ANO10: variants seen among roughly 807,000 people sequenced by gnomAD.
ANO10 encodes anoctamin 10.
Under a neutral mutation model 74.7 loss-of-function variants are expected in ANO10, and 77 were observed. That is an observed-to-expected ratio of 1.03 (90% CI 0.86 to 1.25). The LOEUF (loss-of-function observed/expected upper bound fraction) is 1.25. ANO10 is among the 50% of genes most tolerant of loss of function. ANO10 has a pLI of 0.00. For missense variants in ANO10, 721 were observed against 778.1 expected (o/e 0.93, Z 0.87); for synonymous variants, 279 against 284.9 (o/e 0.98, Z 0.21).
At chr3:43,379,367 T>C (rs2091897086) in intron 12 of ANO10, among the ~76,000 whole-genome samples, 1 of 152,092 alleles carries the variant, frequency 6.6e-6, no homozygotes, top group Non-Finnish European at 1.5e-5. Flanking sequence ...AAGTGAGGAG[T>C]GAGCCCTGAA....
chr3:43,668,131 AG>A (rs1037746508), intron 1 of ANO10, among the ~76,000 whole-genome samples: 31 of 152,248 alleles, frequency 2.0e-4, no homozygotes, highest in Admixed American at 5.2e-4. Context: ...CCATTCTTGC[AG>A]GAGTAAGGTG....
chr3:43,571,918 TAA>T (rs2080751287), intron 7 of ANO10, among the ~76,000 whole-genome samples: 1 of 121,290 alleles, frequency 8.2e-6, no homozygotes, highest in Non-Finnish European at 1.7e-5. Context: ...AATGAAATGG[TAA>T]AGACTTGTTT....
chr3:43,506,923 C>T (rs1323466068), intron 11 of ANO10, among the ~76,000 whole-genome samples: 6 of 152,164 alleles, frequency 3.9e-5, no homozygotes, highest in Non-Finnish European at 7.3e-5. Context: ...TATCATCTAT[C>T]TTCCCCCCTA....
intron 11 of ANO10, among the ~76,000 whole-genome samples, chr3:43,478,637 T>C (rs533437721): frequency 1.3e-4 from 20 of 152,216 alleles, no homozygotes; most frequent in Non-Finnish European, 1.9e-4. Flanking sequence ...TGGGGAGAAG[T>C]CTTTGGCACA....
At chr3:43,563,470 A>T (rs1288748175) in intron 8 of ANO10, among the ~76,000 whole-genome samples, 1 of 151,506 alleles carries the variant, frequency 6.6e-6, no homozygotes. Flanking sequence ...AAAATAGAAC[A>T]ACCATAGAAT....
intron 11 of ANO10, among the ~76,000 whole-genome samples, chr3:43,471,298 T>C (rs1280268565): frequency 6.6e-6 from 1 of 152,206 alleles, no homozygotes; most frequent in Non-Finnish European, 1.5e-5. Flanking sequence ...AGATTTATTT[T>C]TTCCTTACTT....
At chr3:43,415,805 G>A (rs2092729544) in intron 12 of ANO10, among the ~76,000 whole-genome samples, 1 of 152,082 alleles carries the variant, frequency 6.6e-6, no homozygotes, top group African/African-American at 2.4e-5. Flanking sequence ...GCCTCCCAAA[G>A]TGCTGGGATT....
At chr3:43,425,463 C>A (rs1405563815) in intron 12 of ANO10, among the ~76,000 whole-genome samples, 1 of 151,634 alleles carries the variant, frequency 6.6e-6, no homozygotes, top group Non-Finnish European at 1.5e-5. Context: ...AAATATAAAC[C>A]AAAAATAAAA....
intron 11 of ANO10, among the ~76,000 whole-genome samples, chr3:43,453,836 A>G (rs992896415): frequency 6.6e-6 from 1 of 151,946 alleles, no homozygotes; most frequent in African/African-American, 2.4e-5. Flanking sequence ...GGTATTACAT[A>G]TTGTATCCTT....
intron 11 of ANO10, among the ~76,000 whole-genome samples, chr3:43,444,208 A>C (rs1179500047): frequency 6.6e-6 from 1 of 152,188 alleles, no homozygotes; most frequent in African/African-American, 2.4e-5. Context: ...CTAGGGTGAG[A>C]AAGCTGGCTT....
At chr3:43,605,222 C>T (rs1227212939) in intron 2 of ANO10, among the ~76,000 whole-genome samples, 4 of 152,128 alleles carry the variant, frequency 2.6e-5, no homozygotes, top group Non-Finnish European at 2.9e-5. Flanking sequence ...TAAGTATACA[C>T]GATTCATTTG....
At chr3:43,507,066 T>C (rs1229133292) in intron 11 of ANO10, among the ~76,000 whole-genome samples, 1 of 152,234 alleles carries the variant, frequency 6.6e-6, no homozygotes, top group Non-Finnish European at 1.5e-5. Flanking sequence ...TTCTAATTCC[T>C]ACTTATTGGA....
chr3:43,683,793 G>C (rs1480525297), intron 1 of ANO10, among the ~76,000 whole-genome samples: 1 of 152,010 alleles, frequency 6.6e-6, no homozygotes, highest in Non-Finnish European at 1.5e-5. Context: ...ACAACCATCT[G>C]ATCTTTGACA....
chr3:43,452,816 T>C (rs2074938869), intron 11 of ANO10, among the ~76,000 whole-genome samples: 1 of 152,240 alleles, frequency 6.6e-6, no homozygotes, highest in Admixed American at 6.5e-5. Context: ...AGGGTTTCAG[T>C]TGCTCTACAT....
At chr3:43,647,892 G>A (rs971536256) in intron 1 of ANO10, among the ~76,000 whole-genome samples, 2 of 152,146 alleles carry the variant, frequency 1.3e-5, no homozygotes, top group South Asian at 2.1e-4. Flanking sequence ...GATTAAACAA[G>A]TTTAAATACA....
chr3:43,466,369 C>CAAAAA (rs36126977), intron 11 of ANO10, among the ~76,000 whole-genome samples: 210 of 44,952 alleles, frequency 4.7e-3, no homozygotes, highest in Non-Finnish European at 7.0e-3. Flanking sequence ...GACTCCATCT[C>CAAAAA]AAAAAAAAAA....
intron 3 of ANO10, among the ~76,000 whole-genome samples, chr3:43,599,048 T>C (rs2082219632): frequency 6.6e-6 from 1 of 152,246 alleles, no homozygotes; most frequent in African/African-American, 2.4e-5. Flanking sequence ...TTTGCCTATA[T>C]GGCAAATTAT....
intron 11 of ANO10, among the ~76,000 whole-genome samples, chr3:43,496,284 C>T (rs926268807): frequency 6.6e-6 from 1 of 152,092 alleles, no homozygotes; most frequent in Non-Finnish European, 1.5e-5. Context: ...GTAGCCATTA[C>T]AAAGAGCAAG....
At chr3:43,496,696 T>C (rs768241585) in intron 11 of ANO10, among the ~76,000 whole-genome samples, 3 of 152,106 alleles carry the variant, frequency 2.0e-5, no homozygotes, top group Non-Finnish European at 4.4e-5. Context: ...TTATTTACTT[T>C]TTGCATGGTA....
Sources: gnomAD v4.1 joint callset for allele counts (sites outside exome capture counted in the v4.1 genomes callset) on GRCh38, gnomAD v4.1.1 for gene constraint, MANE v1.5 for transcripts, NCBI Gene and HGNC (gene_info 2026-07-23, HGNC 2026-07-21) for gene names.